POTEB: variants seen among roughly 807,000 people sequenced by gnomAD.
POTEB encodes the protein ANKRD26-like family B, member 1.
intron 9 of POTEB, among the ~76,000 whole-genome samples, chr15:21,854,865 T>G (rs1392424495): frequency 6.8e-5 from 10 of 146,284 alleles, no homozygotes; most frequent in Non-Finnish European, 1.5e-4. Context: ...AACTAAAAGT[T>G]GCCTTGACCA....
chr15:21,870,258 G>T (rs1293034372), intron 3 of POTEB, among the ~76,000 whole-genome samples: 1 of 76,490 alleles, frequency 1.3e-5, no homozygotes, highest in Non-Finnish European at 2.9e-5. Context: ...AGATCAGCCT[G>T]AGAAACATGG....
rs536604465 is a variant in POTEB at position 21,855,060 on chromosome 15, T to A, written c.1298+1732A>T. The stretch of plus-strand genomic sequence containing the variant: ...AAATACTGAATTCTATTAACAGGAA[T>A]AAAGTGGCAGAAATGCAGAAAATAA... On this transcript the variant is annotated intron_variant, in intron 9 of 10. Transcript: ENST00000439682. Among the ~76,000 whole-genome samples, 227 of 146,632 alleles carry A rather than the reference T, an allele frequency of 1.5e-3. 1 individual carries two copies. Among genetic ancestry groups the A allele is most frequent in the African/African-American group, 5.3e-3 (214 of 40,508 alleles).
chr15:21,855,238 C>A (rs1445142314), intron 9 of POTEB, among the ~76,000 whole-genome samples: 3 of 148,322 alleles, frequency 2.0e-5, no homozygotes, highest in Non-Finnish European at 4.5e-5. Context: ...ATTAGCAGCA[C>A]CTTCCTTTTA....
intron 9 of POTEB, among the ~76,000 whole-genome samples, chr15:21,854,679 ATGT>A (rs1229597197): frequency 2.7e-5 from 4 of 149,390 alleles, no homozygotes; most frequent in East Asian, 3.9e-4. Flanking sequence ...ATGGCTGAGA[ATGT>A]TGTAATTTTC....
intron 9 of POTEB, among the ~76,000 whole-genome samples, chr15:21,854,564 C>G (rs1889830807): frequency 6.6e-6 from 1 of 150,582 alleles, no homozygotes; most frequent in African/African-American, 2.4e-5. Flanking sequence ...TGCTGGAGGA[C>G]TGCTGAAATT....
chr15:21,854,416 G>A (rs1002742100), intron 9 of POTEB, among the ~76,000 whole-genome samples: 1 of 149,780 alleles, frequency 6.7e-6, no homozygotes, highest in African/African-American at 2.4e-5. Flanking sequence ...GGTCCTGAAA[G>A]CCAAGTGAAG....
chr15:21,855,139 A>G (rs1376804509), intron 9 of POTEB, among the ~76,000 whole-genome samples: 7 of 148,514 alleles, frequency 4.7e-5, no homozygotes, highest in Admixed American at 1.4e-4. Context: ...GTGGAAAAAT[A>G]TGGTGAGGTG....
At chr15:21,871,395 AC>A (rs1890098143) in intron 3 of POTEB, among the ~76,000 whole-genome samples, 1 of 20,334 alleles carries the variant, frequency 4.9e-5, no homozygotes, top group Non-Finnish European at 1.4e-4. Flanking sequence ...ACACACACAC[AC>A]ACACACACAA....
intron 9 of POTEB, among the ~76,000 whole-genome samples, chr15:21,854,835 G>A (rs1254179687): frequency 6.9e-6 from 1 of 145,748 alleles, no homozygotes; most frequent in African/African-American, 2.5e-5. Context: ...AGACCAAGGT[G>A]TTAAATCTTA....
rs1404663095 is a variant in POTEB at position 21,846,890 on chromosome 15, ACT to A, written c.1423-332_1423-331del. Among the ~76,000 whole-genome samples the A allele has an allele frequency of 1.4e-3, 112 of 82,364 alleles. No individual in the cohort carries two copies. The East Asian group carries it at 0.033, about 24-fold the overall frequency. The allele number at this position is 82,364 out of a possible 152,430, so 54.0% of individuals were successfully genotyped here. On this transcript the variant is annotated intron_variant, in intron 10 of 10. Transcript: ENST00000439682. ...GCTACATTTTTTAAATTGGGTTTAC[ACT>A]CTGATATCTAACCTACAAACCACAC...
intron 3 of POTEB, among the ~76,000 whole-genome samples, chr15:21,870,164 C>CT (rs1194993074): frequency 6.5e-5 from 2 of 30,872 alleles, no homozygotes; most frequent in South Asian, 3.5e-3. Flanking sequence ...ATAAGTCAGA[C>CT]TAGGCCAGGA....
intron 9 of POTEB, among the ~76,000 whole-genome samples, chr15:21,854,989 A>G (rs1889847580): frequency 7.0e-6 from 1 of 143,714 alleles, no homozygotes; most frequent in African/African-American, 2.5e-5. Context: ...AGCCAATTCT[A>G]GGACAGTTGA....
chr15:21,871,405 AAAC>A lies in POTEB; in HGVS notation c.699+599_699+601del, dbSNP rs1261490438. Among the ~76,000 whole-genome samples the A allele has an allele frequency of 1.3e-3, 18 of 13,850 alleles. 2 individuals carry two copies. The Middle Eastern group carries it at 0.13, about 100-fold the overall frequency. 9.1% of individuals were successfully genotyped at this position (13,850 alleles called of 152,430 possible). A position where few individuals can be genotyped will look rare whatever the true frequency, so the allele number is the denominator to read the frequency against. ...CACACACACACACACACACACACAC[AAAC>A]AAAAACAAAAACAAAAACAAAAAAA... On this transcript the variant is annotated intron_variant, in intron 3 of 10. Coordinates refer to ENST00000439682, the MANE Select transcript of POTEB (RefSeq NM_001277304.2).
At chr15:21,854,661 T>C in intron 9 of POTEB, among the ~76,000 whole-genome samples, 1 of 149,478 alleles carries the variant, frequency 6.7e-6, no homozygotes, top group Non-Finnish European at 1.5e-5. Context: ...ACATCATACT[T>C]AGGAGTCATG....
chr15:21,871,412 A>C lies in POTEB; in HGVS notation c.699+595T>G, dbSNP rs1296106280. On this transcript the variant is annotated intron_variant, in intron 3 of 10. Transcript: ENST00000439682. Reference sequence around the variant, plus strand: ...ACACACACACACACACACAAACAAAAACAAAAACAAAAACAAAAAAAAACC... The same window carrying C: ...ACACACACACACACACACAAACAAACACAAAAACAAAAACAAAAAAAAACC... Among the ~76,000 whole-genome samples the C allele has an allele frequency of 4.2e-4, 12 of 28,386 alleles. 1 individual carries two copies. Among genetic ancestry groups the C allele is most frequent in the African/African-American group, 9.4e-4 (12 of 12,744 alleles). 18.6% of individuals were successfully genotyped at this position (28,386 alleles called of 152,430 possible).
chr15:21,871,400 C>CAAAAAA (rs1480983290), intron 3 of POTEB, among the ~76,000 whole-genome samples: 1 of 17,214 alleles, frequency 5.8e-5, no homozygotes, highest in Admixed American at 1.0e-3. Flanking sequence ...CACACACACA[C>CAAAAAA]ACACAAACAA....
chr15:21,847,386 C>T (rs1359816124), intron 10 of POTEB, among the ~76,000 whole-genome samples: 4 of 69,580 alleles, frequency 5.7e-5, no homozygotes, highest in East Asian at 6.1e-4. Context: ...ATATATGCAA[C>T]GTGCAAGATT....
At chr15:21,854,546 A>G (rs1405559142) in intron 9 of POTEB, among the ~76,000 whole-genome samples, 1 of 150,748 alleles carries the variant, frequency 6.6e-6, no homozygotes, top group East Asian at 1.9e-4. Flanking sequence ...AATCTTGAGG[A>G]AAAACAATGC....
In POTEB at chr15:21,871,834, C is replaced by T. The variant is rs1350140345; in HGVS notation, c.699+173G>A. 7.0e-5 allele frequency among the ~76,000 whole-genome samples: 2 copies of T among 28,606 alleles called. 1 individual carries two copies. The highest frequency in any genetic ancestry group is 2.0e-4 in the Non-Finnish European group (2 of 10,154). The allele number at this position is 28,606 out of a possible 152,430, so 18.8% of individuals were successfully genotyped here. ...CTGAAAAAAACTGTACCCTCTAATGCTTCTTTAAAAGTAACAATATTTAAA... is the reference window on the plus strand; with the variant it reads ...CTGAAAAAAACTGTACCCTCTAATGTTTCTTTAAAAGTAACAATATTTAAA... On this transcript the variant is annotated intron_variant, in intron 3 of 10. Transcript: ENST00000439682.
Sources: gnomAD v4.1 joint callset for allele counts (sites outside exome capture counted in the v4.1 genomes callset) on GRCh38, gnomAD v4.1.1 for gene constraint, MANE v1.5 for transcripts, NCBI Gene and HGNC (gene_info 2026-07-23, HGNC 2026-07-21) for gene names.